GPSM1: variants seen among roughly 807,000 people sequenced by gnomAD.
GPSM1 encodes G protein-signaling modulator 1.
GPSM1 carries 48 observed loss-of-function variants against 70.5 expected under a neutral mutation model. The observed-to-expected ratio is 0.68, with a 90% CI of 0.54 to 0.87. The LOEUF is 0.87. Among genes scored for constraint, GPSM1 ranks in the 40% least tolerant of loss-of-function variants. GPSM1 has a pLI of 0.00. For missense variants in GPSM1, 981 were observed against 972.6 expected (o/e 1.01, Z -0.11); for synonymous variants, 416 against 430.1 (o/e 0.97, Z 0.41).
At position 136,341,581 on chromosome 9, in the gene GPSM1, G is replaced by A. The variant is rs1832392861; in HGVS notation, c.1207+588G>A. ...GTGCCAGGGGGGTGGTGCCAGGTTGGGCCGACTTCCTGAGGTGGCTGGCAG... is the reference window on the plus strand; with the variant it reads ...GTGCCAGGGGGGTGGTGCCAGGTTGAGCCGACTTCCTGAGGTGGCTGGCAG... On this transcript the variant is annotated intron_variant, in intron 9 of 13. Transcript: ENST00000440944. The surrounding 1 kb of genome is among the most constrained non-coding windows in gnomAD (Gnocchi z 6.7). 2 of 1,019,046 alleles carry A rather than the reference G, an allele frequency of 2.0e-6. No individual in the cohort carries two copies. Among genetic ancestry groups the A allele is most frequent in the Non-Finnish European group, 2.4e-6 (2 of 850,340 alleles). The allele number at this position is 1,019,046 out of a possible 1,614,324, so 63.1% of individuals were successfully genotyped here. A position where few individuals can be genotyped will look rare whatever the true frequency, so the allele number is the denominator to read the frequency against.
rs1228844315 is a variant in GPSM1 at position 136,351,765 on chromosome 9, C to T, written c.1455+2002C>T. Among the ~76,000 whole-genome samples, 4 of 152,376 alleles carry T rather than the reference C, an allele frequency of 2.6e-5. No individual in the cohort carries two copies. In the East Asian group the frequency reaches 7.7e-4, roughly 29 times the overall value. On this transcript the variant is annotated intron_variant, in intron 11 of 13. Coordinates refer to ENST00000440944, the MANE Select transcript of GPSM1 (RefSeq NM_001145638.3). The stretch of plus-strand genomic sequence containing the variant: ...CCTGGGACAGCCAAGATCCTGGCCC[C>T]AGACAAACGGGGTTCCCAGGGTCTG...
chr9:136,347,039 G>A (rs1295089622), intron 9 of GPSM1, among the ~76,000 whole-genome samples: 1 of 152,172 alleles, frequency 6.6e-6, no homozygotes, highest in Non-Finnish European at 1.5e-5. Flanking sequence ...CCCTGATGCA[G>A]TGGGGCCTGG....
At chr9:136,336,391 C>A (rs549156536) in intron 3 of GPSM1, among the ~76,000 whole-genome samples, 1 of 152,184 alleles carries the variant, frequency 6.6e-6, no homozygotes, top group Admixed American at 6.5e-5. Flanking sequence ...TCACTCACTC[C>A]CTGGGGGGCC....
intron 1 of GPSM1, chr9:136,332,192 G>T (rs1554768586): frequency 5.0e-6 from 2 of 398,996 alleles, no homozygotes; most frequent in Non-Finnish European, 8.8e-6. Context: ...AGCGAGTGGG[G>T]TGGTCACGTG....
chr9:136,327,795 G>A, intron 1 of GPSM1, 32 bp downstream of exon 1: 1 of 976,772 alleles, frequency 1.0e-6, no homozygotes, highest in Non-Finnish European at 1.3e-6. Context: ...GCCGGGGCCG[G>A]GGCTGGGACC....
intron 7 of GPSM1, 56 bp downstream of exon 7, chr9:136,338,766 C>A: frequency 3.3e-6 from 5 of 1,493,000 alleles, no homozygotes; most frequent in Non-Finnish European, 4.5e-6. Flanking sequence ...GCTGAATTAC[C>A]GCGGCCCAGG....
chr9:136,334,528 CTTT>C lies in GPSM1; in HGVS notation c.151_153del (p.Phe51del). The C allele has an allele frequency of 6.2e-7, 1 of 1,613,380 alleles. No homozygotes were observed. ...GCGACTTCAAGACAGGCGTGGCCTT[CTTT>C]GAGGCTGCTGTGCAGGTGGGCACCG... is the stretch of plus-strand genomic sequence containing the variant. On this transcript the variant is annotated inframe_deletion, in exon 2 of 14. Transcript: ENST00000440944.
chr9:136,349,896 ACCT>A lies in GPSM1; in HGVS notation c.1455+134_1455+136del, dbSNP rs1832617559. 1.6e-5 allele frequency: 13 copies of A among 812,180 alleles called. No homozygotes were observed. The South Asian group carries it at 2.3e-4, about 15-fold the overall frequency. The allele number at this position is 812,180 out of a possible 1,614,324, so 50.3% of individuals were successfully genotyped here. On this transcript the variant is annotated intron_variant, in intron 11 of 13. Coordinates refer to ENST00000440944, the MANE Select transcript of GPSM1 (RefSeq NM_001145638.3). The stretch of plus-strand genomic sequence containing the variant: ...GGAGGCAGGGGTCCCTCCCCGGTGC[ACCT>A]GGTGCAGTGCTGTCCTGGGACCCCG...
At chr9:136,329,834 AC>A (rs1554768300) in intron 1 of GPSM1, among the ~76,000 whole-genome samples, 2 of 135,470 alleles carry the variant, frequency 1.5e-5, no homozygotes, top group East Asian at 2.2e-4. Flanking sequence ...GTCGGTGGGG[AC>A]GGGGCCCTGG....
At position 136,358,303 on chromosome 9, in the gene GPSM1, A is replaced by G. The variant is rs1832900928; in HGVS notation, c.*83A>G. ...GTCACAGCCACGTCCTCCCGAGGCC[A>G]TTGCCGAGGACAGGCACTGGGCATG... is the stretch of plus-strand genomic sequence containing the variant. On this transcript the variant is annotated 3_prime_UTR_variant, in exon 14 of 14. Transcript: ENST00000440944. 1.6e-6 allele frequency: 2 copies of G among 1,261,328 alleles called. No homozygotes were observed. Among genetic ancestry groups the G allele is most frequent in the East Asian group, 2.5e-5 (1 of 39,370 alleles). The allele number at this position is 1,261,328 out of a possible 1,614,324, so 78.1% of individuals were successfully genotyped here. A position where few individuals can be genotyped will look rare whatever the true frequency, so the allele number is the denominator to read the frequency against.
At chr9:136,335,932 T>C in intron 2 of GPSM1, 34 bp from the exon 3 acceptor site, 1 of 1,606,514 alleles carries the variant, frequency 6.2e-7, no homozygotes, top group Non-Finnish European at 8.5e-7. Context: ...TGACCAGTCC[T>C]CAGCCTGACC....
intron 1 of GPSM1, among the ~76,000 whole-genome samples, chr9:136,329,236 G>A (rs889675542): frequency 2.0e-5 from 3 of 152,212 alleles, no homozygotes; most frequent in African/African-American, 7.2e-5. Flanking sequence ...CCAGGGTGGA[G>A]TCAGGCCCAG....
chr9:136,343,031 C>T lies in GPSM1; in HGVS notation c.1207+2038C>T, dbSNP rs577553193. On this transcript the variant is annotated intron_variant, in intron 9 of 13. Transcript: ENST00000440944. This position sits in a 1 kb window ranked among gnomAD's most constrained non-coding sequence, Gnocchi z 6.0. ...TTACGTGCGGCTGGAGGACAAAGAGCCTTGGCGCGGCTCAGTCAGCGTATT... is the reference window on the plus strand; with the variant it reads ...TTACGTGCGGCTGGAGGACAAAGAGTCTTGGCGCGGCTCAGTCAGCGTATT... Among the ~76,000 whole-genome samples the T allele has an allele frequency of 2.6e-5, 4 of 152,252 alleles. No homozygotes were observed. The East Asian group carries it at 7.7e-4, about 29-fold the overall frequency.
intron 11 of GPSM1, chr9:136,354,753 C>T: frequency 1.1e-6 from 1 of 904,436 alleles, no homozygotes; most frequent in Non-Finnish European, 1.3e-6. Flanking sequence ...TGGACTGAGG[C>T]CCAGGGCGGG....
intron 5 of GPSM1, 111 bp from the exon 6 acceptor site, chr9:136,337,735 C>T (rs559682974): frequency 6.5e-5 from 66 of 1,017,494 alleles, no homozygotes; most frequent in African/African-American, 8.0e-5. Context: ...GCTGCTCACC[C>T]GGACACACAG....
In GPSM1 at chr9:136,341,982, G is replaced by A. The variant is rs782422876; in HGVS notation, c.1207+989G>A. The A allele has an allele frequency of 4.2e-5, 7 of 167,722 alleles. No individual in the cohort carries two copies. The highest frequency in any genetic ancestry group is 8.5e-5 in the Non-Finnish European group (7 of 82,162). 10.4% of individuals were successfully genotyped at this position (167,722 alleles called of 1,614,324 possible). A position where few individuals can be genotyped will look rare whatever the true frequency, so the allele number is the denominator to read the frequency against. On this transcript the variant is annotated intron_variant, in intron 9 of 13. Transcript: ENST00000440944. This position sits in a 1 kb window ranked among gnomAD's most constrained non-coding sequence, Gnocchi z 6.7. ...TGGGTTTTTGTGCCACAGTGCTCAT[G>A]GGTTTCTGACGATGACCTCTCCTGG...
At position 136,336,900 on chromosome 9, in the gene GPSM1, A is replaced by C. The variant is rs868968969; in HGVS notation, c.427-21A>C. 3.2e-6 allele frequency: 5 copies of C among 1,546,894 alleles called. No homozygotes were observed. In the African/African-American group the frequency reaches 5.5e-5, roughly 17 times the overall value. ...TGGGGGGCCGTGGAGGCATGCCCCC[A>C]ACCCTCCGTACTGCCCACAGGTTGG... On this transcript the variant is annotated intron_variant, in intron 3 of 13. Coordinates refer to ENST00000440944, the MANE Select transcript of GPSM1 (RefSeq NM_001145638.3).
chr9:136,347,967 GGCCT>G (rs1201520590), intron 9 of GPSM1, among the ~76,000 whole-genome samples: 1 of 152,244 alleles, frequency 6.6e-6, no homozygotes, highest in Non-Finnish European at 1.5e-5. Context: ...CTTGAAGGTG[GGCCT>G]GGCTGTGGGG....
chr9:136,356,265 G>A, intron 12 of GPSM1, 77 bp from the exon 13 acceptor site: 3 of 1,122,966 alleles, frequency 2.7e-6, no homozygotes, highest in Non-Finnish European at 2.5e-6. Flanking sequence ...AGAGGTCAGA[G>A]CTCACTGTGG....
Sources: allele counts gnomAD v4.1 joint callset (sites outside exome capture counted in the v4.1 genomes callset), GRCh38; gene constraint gnomAD v4.1.1; non-coding constraint Gnocchi (gnomAD v3.1); transcripts MANE v1.5; gene names NCBI Gene and HGNC (gene_info 2026-07-23, HGNC 2026-07-21).